Variants in SPTBN5 observed in about 807,000 individuals in gnomAD.
SPTBN5 encodes spectrin beta, non-erythrocytic 5, also known as spectrin beta chain, non-erythrocytic 5.
In SPTBN5, 513 loss-of-function variants were observed where a neutral mutation model predicts 477.6. The observed-to-expected ratio is 1.07, with a 90% CI of 1.00 to 1.16. The LOEUF (loss-of-function observed/expected upper bound fraction) is 1.16. SPTBN5 is among the 50% of genes most tolerant of loss of function. SPTBN5 has a pLI of 0.00. For missense variants in SPTBN5, 5,062 were observed against 4,731.8 expected, an observed-to-expected ratio of 1.07 and a Z score of -2.05; for synonymous variants, 2,169 against 2,011.7, an observed-to-expected ratio of 1.08 and a Z score of -2.09.
At position 41,875,574 on chromosome 15, in the gene SPTBN5, G is replaced by A; in HGVS notation, c.4171C>T (p.Gln1391Ter). The A allele has an allele frequency of 6.2e-7, 1 of 1,606,804 alleles. No homozygotes were observed. Among genetic ancestry groups the A allele is most frequent in the Non-Finnish European group, 8.5e-7 (1 of 1,176,770 alleles). ...SRRPCGQEDI[Q>*]TRLQGLRSKW... ...CTTCTCAGGCCTTGAAGCCTGGTCT[G>A]TATGTCCTCCTGGCCACAGGGCCTC... is the stretch of plus-strand genomic sequence containing the variant. Residue 1391 changes from glutamine to a stop codon, truncating the protein, a stop_gained, in exon 22 of 68, where the codon CAG becomes TAG. Transcript: ENST00000320955. LOFTEE classifies it high-confidence loss of function.
chr15:41,883,883 C>T (rs572140456), intron 7 of SPTBN5, among the ~76,000 whole-genome samples: 18 of 152,310 alleles, frequency 1.2e-4, no homozygotes, highest in East Asian at 5.8e-4. Flanking sequence ...CTCCACCTCC[C>T]GGGTTCAAGT....
At chr15:41,856,104 A>G (rs1180787716) in intron 53 of SPTBN5, among the ~76,000 whole-genome samples, 2 of 152,172 alleles carry the variant, frequency 1.3e-5, no homozygotes, top group African/African-American at 2.4e-5. Flanking sequence ...TGTATTCACC[A>G]TTGTGAAGTA....
At chr15:41,862,968 G>A in intron 41 of SPTBN5, 65 bp from the exon 42 acceptor site, 1 of 1,443,256 alleles carries the variant, frequency 6.9e-7, no homozygotes, top group South Asian at 1.2e-5. Flanking sequence ...CCTGGCAAAG[G>A]GCCCAACCAG....
In SPTBN5 at chr15:41,852,197, C is replaced by A; in HGVS notation, c.10569G>T (p.Glu3523Asp). ...GHQGLGAQLA[E>D]TRDPQDAKGT... The stretch of plus-strand genomic sequence containing the variant: ...GGACACCTGCCTGGGGGTCCCTCGT[C>A]TCAGCCAGCTGTGCTCCTAGCCCCT... Residue 3523 changes from glutamate to aspartate, a missense_variant, in exon 62 of 68, where the codon GAG (glutamate) becomes GAT (aspartate). Physicochemically the swap from Glu to Asp is conservative, Grantham distance 45 (BLOSUM62 2). Transcript: ENST00000320955. 6.3e-7 allele frequency: 1 copy of A among 1,597,466 alleles called. No homozygotes were observed. The highest frequency in any genetic ancestry group is 8.6e-7 in the Non-Finnish European group (1 of 1,169,054).
chr15:41,869,078 G>C (rs1366756484), intron 32 of SPTBN5, among the ~76,000 whole-genome samples: 1 of 152,200 alleles, frequency 6.6e-6, no homozygotes, highest in African/African-American at 2.4e-5. Context: ...GTCTTCTGCT[G>C]ATTTGTGTAC....
chr15:41,872,051 G>T, intron 27 of SPTBN5, 134 bp from the exon 28 acceptor site: 1 of 1,222,384 alleles, frequency 8.2e-7, no homozygotes, highest in Non-Finnish European at 1.1e-6. Flanking sequence ...TCACGATTCA[G>T]GGAGTAGTAG....
chr15:41,855,825 G>C, intron 53 of SPTBN5, 80 bp from the exon 54 acceptor site: 1 of 1,396,616 alleles, frequency 7.2e-7, no homozygotes, highest in Non-Finnish European at 9.5e-7. Flanking sequence ...TCTCAGCCTG[G>C]CTGCACAGGG....
Position 41,880,257 on chromosome 15 carries a change from C to T in SPTBN5, c.2714G>A (p.Cys905Tyr), listed in dbSNP as rs780100042. ...AMALFGFCSS[C>Y]GELQLWLEKQ... ...CTCCAGCCACAACTGGAGCTCCCCA[C>T]AGGAACTGCAGAAACCGAACAGGGC... The change falls in exon 14 of 68, where the codon TGT (cysteine) becomes TAT (tyrosine). Residue 905 changes from cysteine to tyrosine, a missense_variant. Coordinates refer to ENST00000320955, the MANE Select transcript of SPTBN5 (RefSeq NM_016642.4). 7.5e-6 allele frequency: 12 copies of T among 1,607,646 alleles called. No individual in the cohort carries two copies. Among genetic ancestry groups the T allele is most frequent in the Non-Finnish European group, 1.0e-5 (12 of 1,177,640 alleles).
chr15:41,853,818 T>TC (rs748158760), intron 57 of SPTBN5, 31 bp from the exon 58 acceptor site: 24 of 1,523,802 alleles, frequency 1.6e-5, no homozygotes, highest in South Asian at 2.4e-5. Flanking sequence ...CAGGCCTCAG[T>TC]CCCCCCACTG....
chr15:41,854,443 A>G (rs2065872727), intron 56 of SPTBN5, among the ~76,000 whole-genome samples: 1 of 151,816 alleles, frequency 6.6e-6, no homozygotes, highest in African/African-American at 2.4e-5. Flanking sequence ...CGTGCATCTC[A>G]GGGAAAGGCA....
chr15:41,874,738 T>C (rs930017500), intron 23 of SPTBN5, 104 bp downstream of exon 23: 1 of 1,182,920 alleles, frequency 8.5e-7, no homozygotes, highest in South Asian at 1.6e-5. Flanking sequence ...ACTCTACTCA[T>C]AAGGGAGGAG....
Position 41,883,421 on chromosome 15 carries a change from A to G in SPTBN5, c.1586T>C (p.Val529Ala). The G allele has an allele frequency of 6.2e-7, 1 of 1,613,912 alleles. No homozygotes were observed. The highest frequency in any genetic ancestry group is 8.5e-7 in the Non-Finnish European group (1 of 1,179,896). ...LQHLQGQRKQ[V>A]ADMQAVLSLL... ...GCTCAGCACAGCCTGCATGTCTGCC[A>G]CCTGCTTCCTCTGTCCCTGTAGATG... is the stretch of plus-strand genomic sequence containing the variant. The change falls in exon 8 of 68, where the codon GTG becomes GCG. Residue 529 changes from valine to alanine, a missense_variant. By Grantham distance (64) the Val-to-Ala change is moderately conservative (BLOSUM62 0). Transcript: ENST00000320955.
rs1477894338 is a variant in SPTBN5 at position 41,893,401 on chromosome 15, T to C, written c.97A>G (p.Ser33Gly). 9 of 1,613,648 alleles carry C rather than the reference T, an allele frequency of 5.6e-6. No individual in the cohort carries two copies. The highest frequency in any genetic ancestry group is 6.8e-6 in the Non-Finnish European group (8 of 1,179,892). ...TCGTACTGAGAGTCCATGGTGAGAC[T>C]TGGACTGGGCGGGACCCGGAGTTCT... ...STELRVPPSP[S>G]LTMDSQYETG... The change falls in exon 2 of 68, where the codon AGT (serine) becomes GGT (glycine). Residue 33 changes from serine to glycine, a missense_variant. By Grantham distance (56) the Ser-to-Gly change is moderately conservative. Transcript: ENST00000320955.
intron 6 of SPTBN5, 142 bp from the exon 7 acceptor site, chr15:41,886,508 C>T: frequency 1.0e-6 from 1 of 971,590 alleles, no homozygotes; most frequent in South Asian, 1.8e-5. Context: ...TACCCCCACC[C>T]CAGAGAACTG....
rs1376298475 is a variant in SPTBN5, at chr15:41,882,694, C to T, written c.1937G>A (p.Arg646His). ...CCAGGCTTCCTCCTCCTCACAGTTGCGCAGGAACTCTGCCCGCTGCAGGGT... is the reference window on the plus strand; with the variant it reads ...CCAGGCTTCCTCCTCCTCACAGTTGTGCAGGAACTCTGCCCGCTGCAGGGT... ...EQTLQRAEFL[R>H]NCEEEEAWLK... Residue 646 changes from arginine to histidine, a missense_variant, in exon 10 of 68, where the codon CGC (arginine) becomes CAC (histidine). Physicochemically the swap from Arg to His is conservative, Grantham distance 29 (BLOSUM62 0). Coordinates refer to ENST00000320955, the MANE Select transcript of SPTBN5 (RefSeq NM_016642.4). 2.5e-6 allele frequency: 4 copies of T among 1,609,420 alleles called. No individual in the cohort carries two copies. The highest frequency in any genetic ancestry group is 3.4e-6 in the Non-Finnish European group (4 of 1,178,272).
At position 41,868,467 on chromosome 15, in the gene SPTBN5, C is replaced by T. The variant is rs1010151811; in HGVS notation, c.5988G>A (p.Glu1996=). The stretch of plus-strand genomic sequence containing the variant: ...GCTGGGTGGCCTGCTGCCACAGCTT[C>T]TCCCGGGCCTCCAGCTCCGCCCGGA... ...QWLRAELEAR[E]KLWQQATQLG... is the part of the protein sequence containing the mutation. The change falls in exon 33 of 68, where the codon GAG becomes GAA. Residue 1996 remains glutamate, a synonymous_variant. Coordinates refer to ENST00000320955, the MANE Select transcript of SPTBN5 (RefSeq NM_016642.4). The T allele has an allele frequency of 1.2e-6, 2 of 1,611,172 alleles. No individual in the cohort carries two copies. Among genetic ancestry groups the T allele is most frequent in the South Asian group, 1.1e-5 (1 of 91,046 alleles).
At chr15:41,878,863 C>T (rs556013771) in intron 16 of SPTBN5, among the ~76,000 whole-genome samples, 3 of 152,248 alleles carry the variant, frequency 2.0e-5, no homozygotes, top group East Asian at 3.9e-4. Flanking sequence ...GTCAGGAGAT[C>T]GAGACCATCC....
chr15:41,850,869 G>C lies in SPTBN5; in HGVS notation c.10906C>G (p.Leu3636Val). Reference sequence around the variant, plus strand: ...TGAAGCCCACCTGCAGTGCTGCCCAGGGCTCGCCACCAGCTCTCAGCCTGC... The same window carrying C: ...TGAAGCCCACCTGCAGTGCTGCCCACGGCTCGCCACCAGCTCTCAGCCTGC... The part of the protein sequence containing the change: ...EEQAESWWRA[L>V]GSTAAQSLSP... Residue 3636 changes from leucine to valine, a missense_variant, in exon 66 of 68, where the codon CTG becomes GTG. Coordinates refer to ENST00000320955, the MANE Select transcript of SPTBN5 (RefSeq NM_016642.4). 5 of 1,599,954 alleles carry C rather than the reference G, an allele frequency of 3.1e-6. No individual in the cohort carries two copies. In the South Asian group the frequency reaches 3.4e-5, roughly 11 times the overall value.
Position 41,852,675 on chromosome 15 carries a change from C to T in SPTBN5, c.10408G>A (p.Ala3470Thr), listed in dbSNP as rs368571461. ...HRHQDLEKLL[A>T]AQEEKFAQMQ... is the part of the protein sequence containing the mutation. ...TGGGCAAACTTCTCTTCCTGGGCTG[C>T]CAGCAGCTTTTCTAAGTCCTGGTGT... The change falls in exon 61 of 68, where the codon GCA becomes ACA. Residue 3470 changes from alanine (A) to threonine (T), a missense_variant. Coordinates refer to ENST00000320955, the MANE Select transcript of SPTBN5 (RefSeq NM_016642.4). 2.5e-6 allele frequency: 4 copies of T among 1,613,652 alleles called. No homozygotes were observed. In the African/African-American group the frequency reaches 5.3e-5, roughly 21 times the overall value.
Sources: allele counts gnomAD v4.1 joint callset (sites outside exome capture counted in the v4.1 genomes callset), GRCh38; gene constraint gnomAD v4.1.1; transcripts MANE v1.5; gene names NCBI Gene and HGNC (gene_info 2026-07-23, HGNC 2026-07-21).